The following ENKUR variants were observed in gnomAD, a reference collection of about 807,000 sequenced individuals.
The protein encoded by ENKUR is enkurin.
In ENKUR, 19 loss-of-function variants were observed where a neutral mutation model predicts 27.6. That is an observed-to-expected ratio of 0.69 (90% CI 0.48 to 1.01). ENKUR has a LOEUF of 1.01. Ranked by LOEUF, ENKUR falls within the 50% of genes least tolerant of loss-of-function variation. The pLI is 0.00. For synonymous variants in ENKUR, 117 were observed against 96.9 expected, an observed-to-expected ratio of 1.21 and a Z score of -1.22; for missense variants, 312 against 310.5, an observed-to-expected ratio of 1.00 and a Z score of -0.04.
At chr10:25,024,349 G>A (rs1408285456) in intron 2 of ENKUR, 2 of 1,613,948 alleles carry the variant, frequency 1.2e-6, no homozygotes, top group African/African-American at 2.7e-5. Context: ...TATGATACTT[G>A]TAGCTACTTC....
At chr10:25,061,021 T>A in intron 2 of ENKUR, 1 of 1,293,392 alleles carries the variant, frequency 7.7e-7, no homozygotes, top group Non-Finnish European at 1.1e-6. Flanking sequence ...GCCCTTATGT[T>A]TCTTTAGATG....
intron 2 of ENKUR, chr10:25,025,636 AT>A (rs1312985767): frequency 6.4e-6 from 4 of 629,444 alleles, no homozygotes; most frequent in Non-Finnish European, 1.1e-5. Flanking sequence ...CAGATCTTTA[AT>A]CTGGAAGTGA....
intron 2 of ENKUR, among the ~76,000 whole-genome samples, chr10:25,059,557 C>T (rs1462180999): frequency 1.3e-5 from 2 of 152,186 alleles, no homozygotes; most frequent in African/African-American, 4.8e-5. Flanking sequence ...GGAGCAGACC[C>T]ACCCATCTAT....
chr10:25,023,125 A>G, intron 2 of ENKUR: 1 of 1,184,678 alleles, frequency 8.4e-7, no homozygotes, highest in Non-Finnish European at 1.2e-6. Context: ...TACTGTAATT[A>G]GTAACCAAAT....
intron 2 of ENKUR, among the ~76,000 whole-genome samples, chr10:25,031,403 G>T (rs1320601291): frequency 2.0e-5 from 3 of 152,162 alleles, no homozygotes; most frequent in Non-Finnish European, 4.4e-5. Flanking sequence ...AGGCCTTAGA[G>T]GGTGAAAGGA....
intron 4 of ENKUR, among the ~76,000 whole-genome samples, chr10:24,986,040 C>A (rs933764378): frequency 5.9e-5 from 9 of 152,128 alleles, no homozygotes; most frequent in African/African-American, 2.2e-4. Flanking sequence ...TGCACTCCAG[C>A]CTGAAACAAC....
chr10:25,017,168 G>A (rs1850616344), upstream of ENKUR, among the ~76,000 whole-genome samples: 1 of 152,232 alleles, frequency 6.6e-6, no homozygotes, highest in Non-Finnish European at 1.5e-5. Context: ...TAAACTAAGA[G>A]GAGAAGCCTT....
chr10:24,990,524 T>C lies in ENKUR; in HGVS notation c.533A>G (p.Glu178Gly). 6.2e-7 allele frequency: 1 copy of C among 1,614,122 alleles called. No homozygotes were observed. The highest frequency in any genetic ancestry group is 8.5e-7 in the Non-Finnish European group (1 of 1,180,008). Residue 178 changes from glutamate to glycine, a missense_variant, in exon 4 of 6, where the codon GAA becomes GGA. By Grantham distance (98) the Glu-to-Gly change is moderately conservative. Transcript: ENST00000331161. Reference sequence around the variant, plus strand: ...TTTCATAGCTGCTTTCTTAAGGTTTTCCTGGATATAACGATCATAGTCTTC... The same window carrying C: ...TTTCATAGCTGCTTTCTTAAGGTTTCCCTGGATATAACGATCATAGTCTTC... ...AQEDYDRYIQ[E>G]NLKKAAMKRL...
chr10:25,014,534 G>A (rs1454376363), intron 1 of ENKUR, among the ~76,000 whole-genome samples: 2 of 151,090 alleles, frequency 1.3e-5, no homozygotes, highest in African/African-American at 2.4e-5. Flanking sequence ...AAAAAAAATC[G>A]TCTAGATGCA....
Position 25,024,161 on chromosome 10 carries a change from T to C in ENKUR, c.38-28292A>G, listed in dbSNP as rs749455650. ...ATACCTGCTGCCAGGTTGGGAGAAA[T>C]GATTGAAACTGCTTATGGGGAAAAC... On this transcript the variant is annotated intron_variant, in intron 2 of 5. Transcript: ENST00000615958. 1.2e-5 allele frequency: 20 copies of C among 1,614,118 alleles called. No homozygotes were observed. The South Asian group carries it at 2.2e-4, about 18-fold the overall frequency.
intron 1 of ENKUR, among the ~76,000 whole-genome samples, chr10:25,000,440 G>T (rs1420305089): frequency 6.6e-6 from 1 of 151,972 alleles, no homozygotes; most frequent in Non-Finnish European, 1.5e-5. Context: ...TTGTGGATTT[G>T]GCTATTTCTT....
In ENKUR at chr10:24,982,073, T is replaced by C. The variant is rs1201368932; in HGVS notation, c.*2297A>G. ...TTATGCAGATTCTAAGGAATGCAGA[T>C]GAAAATGTATACAGTGTCTTCTCCC... On this transcript the variant is annotated 3_prime_UTR_variant, in exon 6 of 6. Transcript: ENST00000331161. 6.6e-6 allele frequency: 1 copy of C among 152,216 alleles called. No individual in the cohort carries two copies. Among genetic ancestry groups the C allele is most frequent in the Non-Finnish European group, 1.5e-5 (1 of 68,044 alleles). The allele number at this position is 152,216 out of a possible 1,614,324, so 9.4% of individuals were successfully genotyped here. A position where few individuals can be genotyped will look rare whatever the true frequency, so the allele number is the denominator to read the frequency against.
chr10:25,030,251 C>T (rs1383802836), intron 2 of ENKUR, among the ~76,000 whole-genome samples: 2 of 152,102 alleles, frequency 1.3e-5, no homozygotes, highest in Non-Finnish European at 2.9e-5. Context: ...ACTCACTCTC[C>T]AGTAGCTTCC....
chr10:25,045,971 GAT>G (rs1343097600), intron 2 of ENKUR, among the ~76,000 whole-genome samples: 1 of 152,090 alleles, frequency 6.6e-6, no homozygotes, highest in African/African-American at 2.4e-5. Flanking sequence ...CAATGAACCT[GAT>G]TTCATAGTTC....
At chr10:24,987,513 G>A (rs1043748318) in intron 4 of ENKUR, among the ~76,000 whole-genome samples, 7 of 152,118 alleles carry the variant, frequency 4.6e-5, no homozygotes, top group Non-Finnish European at 7.4e-5. Flanking sequence ...GCCAGGCATG[G>A]TGGTATCCCA....
intron 2 of ENKUR, among the ~76,000 whole-genome samples, chr10:25,051,806 A>T: frequency 6.6e-6 from 1 of 152,180 alleles, no homozygotes; most frequent in East Asian, 1.9e-4. Context: ...GGAAGCAATC[A>T]AGGCAGAACG....
chr10:25,023,239 C>G lies in ENKUR; in HGVS notation c.38-27370G>C, dbSNP rs145170378. The G allele has an allele frequency of 6.2e-6, 10 of 1,611,436 alleles. No individual in the cohort carries two copies. The East Asian group carries it at 2.0e-4, about 32-fold the overall frequency. The stretch of plus-strand genomic sequence containing the variant: ...TGAAAAGAGAATGCTCCACTTTAAC[C>G]GATGTCATCATCTGAAAAAGATAAC... On this transcript the variant is annotated intron_variant, in intron 2 of 5. Coordinates refer to the ENKUR transcript ENST00000615958.
At chr10:25,043,932 T>C (rs1308044110) in intron 2 of ENKUR, among the ~76,000 whole-genome samples, 1 of 152,112 alleles carries the variant, frequency 6.6e-6, no homozygotes, top group East Asian at 1.9e-4. Flanking sequence ...TGTTTGATTC[T>C]TTTTTATACT....
At chr10:25,040,564 G>GA in intron 2 of ENKUR, among the ~76,000 whole-genome samples, 1 of 152,038 alleles carries the variant, frequency 6.6e-6, no homozygotes, top group East Asian at 1.9e-4. Flanking sequence ...AGTAGAAACG[G>GA]TTTCACCGTG....
Sources: gnomAD v4.1 joint callset for allele counts (sites outside exome capture counted in the v4.1 genomes callset) on GRCh38, gnomAD v4.1.1 for gene constraint, MANE v1.5 for transcripts, NCBI Gene and HGNC (gene_info 2026-07-23, HGNC 2026-07-21) for gene names.